Variants in DGKB observed in about 807,000 individuals in gnomAD.
DGKB encodes 90 kDa diacylglycerol kinase.
DGKB carries 67 observed loss-of-function variants against 114.3 expected under a neutral mutation model. That is an observed-to-expected ratio of 0.59 (90% CI 0.48 to 0.72). The LOEUF (loss-of-function observed/expected upper bound fraction) is 0.72, where lower values mean the gene tolerates loss of function less well. Ranked by LOEUF, DGKB falls within the 30% of genes least tolerant of loss-of-function variation. DGKB has a pLI of 0.00. For missense variants in DGKB, 907 were observed against 975.2 expected (o/e 0.93, Z 0.93); for synonymous variants, 398 against 323.1 (o/e 1.23, Z -2.49).
chr7:14,450,562 A>G (rs145879726), intron 21 of DGKB, among the ~76,000 whole-genome samples: 77 of 152,214 alleles, frequency 5.1e-4, no homozygotes, highest in Non-Finnish European at 9.9e-4. Flanking sequence ...GGATATCAGG[A>G]TTGGTCCCCT....
chr7:14,218,392 C>T (rs1175501213), intron 23 of DGKB, among the ~76,000 whole-genome samples: 1 of 152,044 alleles, frequency 6.6e-6, no homozygotes, highest in Non-Finnish European at 1.5e-5. Flanking sequence ...AACCATCTTG[C>T]AAAAGCATTC....
At chr7:14,598,447 G>A (rs1226978865) in intron 17 of DGKB, among the ~76,000 whole-genome samples, 1 of 152,108 alleles carries the variant, frequency 6.6e-6, no homozygotes, top group Non-Finnish European at 1.5e-5. Flanking sequence ...ATTGCTTTGG[G>A]GCAGAGAATT....
At chr7:14,521,681 A>G (rs908122281) in intron 20 of DGKB, among the ~76,000 whole-genome samples, 1 of 152,076 alleles carries the variant, frequency 6.6e-6, no homozygotes, top group Non-Finnish European at 1.5e-5. Context: ...TAATTCTTTG[A>G]ACAATTTTTA....
At chr7:14,178,259 G>T in intron 23 of DGKB, 108 bp from the exon 24 acceptor site, 1 of 1,204,114 alleles carries the variant, frequency 8.3e-7, no homozygotes, top group Non-Finnish European at 1.2e-6. Flanking sequence ...ACTTCACAAA[G>T]AAAGCTTGTC....
At chr7:14,236,315 G>A (rs1447464334) in intron 23 of DGKB, among the ~76,000 whole-genome samples, 1 of 150,894 alleles carries the variant, frequency 6.6e-6, no homozygotes, top group Non-Finnish European at 1.5e-5. Context: ...AATTTTCATA[G>A]AAAAATGGAG....
intron 20 of DGKB, among the ~76,000 whole-genome samples, chr7:14,547,142 G>A (rs1239188639): frequency 6.6e-6 from 1 of 152,000 alleles, no homozygotes; most frequent in East Asian, 1.9e-4. Flanking sequence ...CTTTTCTTTT[G>A]AGTTTTTTTA....
At chr7:14,658,237 T>G (rs145917518) in intron 13 of DGKB, among the ~76,000 whole-genome samples, 396 of 151,994 alleles carry the variant, frequency 2.6e-3, no homozygotes, top group African/African-American at 6.8e-3. Context: ...AAAAAAGAGA[T>G]GCAGAACTGG....
At chr7:14,323,370 T>G (rs1427982035) in intron 23 of DGKB, among the ~76,000 whole-genome samples, 1 of 152,118 alleles carries the variant, frequency 6.6e-6, no homozygotes, top group Non-Finnish European at 1.5e-5. Flanking sequence ...CTATCAAAAT[T>G]CATTGACGGT....
At chr7:14,527,830 CCA>C (rs1790888965) in intron 20 of DGKB, among the ~76,000 whole-genome samples, 1 of 151,780 alleles carries the variant, frequency 6.6e-6, no homozygotes. Flanking sequence ...TATTTAACTC[CCA>C]GAGTAAAAAA....
chr7:14,841,377 A>G lies in DGKB; in HGVS notation c.-114T>C. On this transcript the variant is annotated 5_prime_UTR_variant, in exon 2 of 26. Transcript: ENST00000402815. Reference sequence around the variant, plus strand: ...GGCATGTTTCATGATAAAATACCTCAGGCTTTCAAAATATGCAATCTGTCC... The same window carrying G: ...GGCATGTTTCATGATAAAATACCTCGGGCTTTCAAAATATGCAATCTGTCC... 2.4e-6 allele frequency: 2 copies of G among 843,956 alleles called. No individual in the cohort carries two copies. Among genetic ancestry groups the G allele is most frequent in the Non-Finnish European group, 3.7e-6 (2 of 547,690 alleles). The allele number at this position is 843,956 out of a possible 1,614,324, so 52.3% of individuals were successfully genotyped here.
chr7:14,381,521 T>C (rs1819470591), intron 21 of DGKB, among the ~76,000 whole-genome samples: 1 of 152,194 alleles, frequency 6.6e-6, no homozygotes, highest in South Asian at 2.1e-4. Flanking sequence ...TAGAGTGATC[T>C]AACTAATGAA....
intron 20 of DGKB, among the ~76,000 whole-genome samples, chr7:14,515,884 G>A (rs988707481): frequency 6.6e-6 from 1 of 152,098 alleles, no homozygotes; most frequent in Non-Finnish European, 1.5e-5. Flanking sequence ...TTGCTCTGTT[G>A]CCTAGGCTGG....
chr7:14,191,989 GCTC>G, intron 23 of DGKB: 1 of 600,208 alleles, frequency 1.7e-6, no homozygotes. Context: ...TTCCTGGCAA[GCTC>G]CTGTGTTGAG....
At chr7:14,328,087 C>G (rs1809067772) in intron 23 of DGKB, among the ~76,000 whole-genome samples, 1 of 152,030 alleles carries the variant, frequency 6.6e-6, no homozygotes, top group Admixed American at 6.6e-5. Flanking sequence ...ATGGAATGTT[C>G]TATGATACTA....
chr7:14,681,798 C>T (rs1268625509), intron 12 of DGKB, among the ~76,000 whole-genome samples: 4 of 152,058 alleles, frequency 2.6e-5, no homozygotes, highest in African/African-American at 9.7e-5. Context: ...CTAGATTTGA[C>T]AGTCATTCAA....
chr7:14,153,757 A>G (rs1782571485), intron 25 of DGKB, among the ~76,000 whole-genome samples: 1 of 152,092 alleles, frequency 6.6e-6, no homozygotes, highest in South Asian at 2.1e-4. Context: ...CTCAGAGAGA[A>G]AAAAAAATAG....
intron 23 of DGKB, among the ~76,000 whole-genome samples, chr7:14,280,842 A>C (rs1445443594): frequency 6.6e-6 from 1 of 151,668 alleles, no homozygotes; most frequent in Non-Finnish European, 1.5e-5. Context: ...GCCTGCCCTA[A>C]AAGAGCTCCT....
intron 23 of DGKB, among the ~76,000 whole-genome samples, chr7:14,217,306 C>T (rs575181930): frequency 6.6e-6 from 1 of 152,036 alleles, no homozygotes; most frequent in East Asian, 1.9e-4. Flanking sequence ...TTTCCTCTAC[C>T]TTTATTTGAA....
chr7:14,688,050 T>C (rs1344603799), intron 9 of DGKB, among the ~76,000 whole-genome samples: 2 of 152,176 alleles, frequency 1.3e-5, no homozygotes, highest in Non-Finnish European at 2.9e-5. Context: ...AGAGAAGAAA[T>C]TGAAACCAGG....
Sources: allele counts gnomAD v4.1 joint callset (sites outside exome capture counted in the v4.1 genomes callset), GRCh38; gene constraint gnomAD v4.1.1; transcripts MANE v1.5; gene names NCBI Gene and HGNC (gene_info 2026-07-23, HGNC 2026-07-21).